The following HSPA12A variants were observed in gnomAD, a reference collection of about 807,000 sequenced individuals.
HSPA12A encodes the protein heat shock 70 kDa protein 12A.
Under a neutral mutation model 69.2 loss-of-function variants are expected in HSPA12A, and 28 were observed. That is an observed-to-expected ratio of 0.40 (90% confidence interval 0.30 to 0.55). The LOEUF is 0.55. Among genes scored for constraint, HSPA12A ranks in the 20% least tolerant of loss-of-function variants. The probability of loss-of-function intolerance (pLI) is 0.38; values close to 1 mark genes in which losing one functional copy is unlikely to be tolerated. For missense variants in HSPA12A, 686 were observed against 900.7 expected (o/e 0.76, Z 3.05); for synonymous variants, 345 against 370.5 (o/e 0.93, Z 0.79).
intron 5 of HSPA12A, among the ~76,000 whole-genome samples, chr10:116,694,207 T>C (rs544232606): frequency 8.5e-5 from 13 of 152,342 alleles, no homozygotes; most frequent in Admixed American, 2.0e-4. Context: ...TGTCAGGCAC[T>C]GTCACGGGCT....
At chr10:116,794,674 A>G (rs1350870042) in intron 2 of HSPA12A, among the ~76,000 whole-genome samples, 2 of 152,176 alleles carry the variant, frequency 1.3e-5, no homozygotes, top group African/African-American at 2.4e-5. Flanking sequence ...TTAGCTAGGC[A>G]TGGTGCCATG....
rs374636277 is a variant in HSPA12A at position 116,686,259 on chromosome 10, C to T, written c.664-2297G>A. Among the ~76,000 whole-genome samples the T allele has an allele frequency of 1.4e-4, 21 of 152,246 alleles. No homozygotes were observed. The highest frequency in any genetic ancestry group is 3.9e-4 in the African/African-American group (16 of 41,552). ...CCTCTGAGCCTGGATCCCAAGGGGT[C>T]GGGAGGAAGAAATCCCAAATAAGAC... On this transcript the variant is annotated intron_variant, in intron 6 of 11. Coordinates refer to ENST00000369209, the MANE Select transcript of HSPA12A (RefSeq NM_025015.3). This position sits in a 1 kb window ranked among gnomAD's most constrained non-coding sequence, Gnocchi z 4.1.
chr10:116,800,554 C>T (rs963178806), intron 2 of HSPA12A, among the ~76,000 whole-genome samples: 3 of 152,186 alleles, frequency 2.0e-5, no homozygotes, highest in African/African-American at 7.2e-5. Flanking sequence ...GCAAGCTTTG[C>T]CACAACCCCT....
At chr10:116,677,005 T>G (rs1159758235) in intron 10 of HSPA12A, among the ~76,000 whole-genome samples, 1 of 152,152 alleles carries the variant, frequency 6.6e-6, no homozygotes. Context: ...AGCAGCAGTG[T>G]GGAGCAGAGA....
rs2133352992 is a variant in HSPA12A at position 116,675,498 on chromosome 10, G to A, written c.1391-80C>T. The A allele has an allele frequency of 6.9e-7, 1 of 1,443,284 alleles. No homozygotes were observed. 89.4% of individuals were successfully genotyped at this position (1,443,284 alleles called of 1,614,324 possible). ...GGGAACTGGGCTGCCTGCATCTGTG[G>A]GGAACGGATAAAGCCACTTGGGCCA... On this transcript the variant is annotated intron_variant, in intron 11 of 11. Transcript: ENST00000369209. This position sits in a 1 kb window ranked among gnomAD's most constrained non-coding sequence, Gnocchi z 5.2.
At chr10:116,797,778 T>G (rs1377871373) in intron 2 of HSPA12A, among the ~76,000 whole-genome samples, 1 of 151,582 alleles carries the variant, frequency 6.6e-6, no homozygotes. Flanking sequence ...GATGAACACA[T>G]GAACACACCA....
intron 2 of HSPA12A, among the ~76,000 whole-genome samples, chr10:116,812,168 A>T (rs1325563596): frequency 6.6e-6 from 1 of 152,096 alleles, no homozygotes; most frequent in Admixed American, 6.5e-5. Flanking sequence ...AAATCATGAC[A>T]CTGGCTGGGC....
At chr10:116,724,713 A>G (rs1850893584) in intron 1 of HSPA12A, among the ~76,000 whole-genome samples, 1 of 152,340 alleles carries the variant, frequency 6.6e-6, no homozygotes, top group African/African-American at 2.4e-5. Context: ...TTCCCAGGAC[A>G]GTGTGGGGCA....
At chr10:116,740,840 G>A (rs1007502039) in intron 1 of HSPA12A, among the ~76,000 whole-genome samples, 4 of 151,106 alleles carry the variant, frequency 2.6e-5, no homozygotes, top group East Asian at 2.0e-4. Flanking sequence ...TGGTATCATC[G>A]CCCACCCTAT....
chr10:116,682,021 C>T (rs1027378160), intron 7 of HSPA12A, 144 bp from the exon 8 acceptor site: 49 of 677,024 alleles, frequency 7.2e-5, no homozygotes, highest in Admixed American at 2.0e-4. Context: ...AATACGATGT[C>T]GGGAATCACA....
chr10:116,760,966 A>G (rs1843956787), intron 2 of HSPA12A, among the ~76,000 whole-genome samples: 1 of 152,234 alleles, frequency 6.6e-6, no homozygotes. Flanking sequence ...GAGAAGCCAG[A>G]GGCTAGCTAG....
At chr10:116,720,182 T>A (rs1850730331) in intron 1 of HSPA12A, among the ~76,000 whole-genome samples, 1 of 152,158 alleles carries the variant, frequency 6.6e-6, no homozygotes, top group African/African-American at 2.4e-5. Context: ...TAAGGAGAAG[T>A]GCCCCTGTCC....
intron 1 of HSPA12A, among the ~76,000 whole-genome samples, chr10:116,846,846 C>T (rs1039955973): frequency 5.3e-5 from 8 of 152,156 alleles, no homozygotes; most frequent in Admixed American, 1.3e-4. Context: ...ATATATGAAA[C>T]ATTCCCAAAA....
Position 116,705,041 on chromosome 10 carries a change from C to G in HSPA12A, c.254+110G>C, listed in dbSNP as rs782098323. ...ATGGTGAGCTTGAGCCAAGCTGGAA[C>G]AGAATCCAGGGCCGTCTTCGTAAGT... is the stretch of plus-strand genomic sequence containing the variant. On this transcript the variant is annotated intron_variant, in intron 3 of 11. Coordinates refer to ENST00000369209, the MANE Select transcript of HSPA12A (RefSeq NM_025015.3). 6 of 1,348,406 alleles carry G rather than the reference C, an allele frequency of 4.4e-6. No homozygotes were observed. In the Admixed American group the frequency reaches 1.2e-4, roughly 28 times the overall value. The allele number at this position is 1,348,406 out of a possible 1,614,324, so 83.5% of individuals were successfully genotyped here. A position where few individuals can be genotyped will look rare whatever the true frequency, so the allele number is the denominator to read the frequency against.
At chr10:116,739,198 T>C (rs1433727812) in intron 1 of HSPA12A, among the ~76,000 whole-genome samples, 1 of 152,172 alleles carries the variant, frequency 6.6e-6, no homozygotes, top group African/African-American at 2.4e-5. Flanking sequence ...TCCCATGGCC[T>C]AGGTCCTTAC....
intron 1 of HSPA12A, among the ~76,000 whole-genome samples, chr10:116,727,412 A>G (rs1225484707): frequency 6.6e-6 from 1 of 152,194 alleles, no homozygotes; most frequent in Non-Finnish European, 1.5e-5. Context: ...AGCAAGCTCC[A>G]ATGCACTGGC....
At chr10:116,758,509 C>T (rs1843899020) in intron 2 of HSPA12A, among the ~76,000 whole-genome samples, 1 of 152,130 alleles carries the variant, frequency 6.6e-6, no homozygotes, top group Non-Finnish European at 1.5e-5. Flanking sequence ...GTCCAGAGCT[C>T]ATCTTACTGG....
At chr10:116,820,477 C>T (rs561717184) in intron 2 of HSPA12A, among the ~76,000 whole-genome samples, 1 of 152,188 alleles carries the variant, frequency 6.6e-6, no homozygotes, top group South Asian at 2.1e-4. Context: ...GGTCACATGA[C>T]CATGACTTTG....
intron 1 of HSPA12A, among the ~76,000 whole-genome samples, chr10:116,720,741 G>A (rs544665647): frequency 4.6e-5 from 7 of 152,364 alleles, no homozygotes; most frequent in Admixed American, 1.3e-4. Flanking sequence ...CCGTCTGCAC[G>A]TGCCAGCTGC....
Sources: gnomAD v4.1 joint callset for allele counts (sites outside exome capture counted in the v4.1 genomes callset) on GRCh38, gnomAD v4.1.1 for gene constraint, Gnocchi (gnomAD v3.1) non-coding constraint, MANE v1.5 for transcripts, NCBI Gene and HGNC (gene_info 2026-07-23, HGNC 2026-07-21) for gene names.